PRMT8: variants seen among roughly 807,000 people sequenced by gnomAD.
PRMT8 encodes protein arginine N-methyltransferase 8.
In PRMT8, 7 loss-of-function variants were observed where a neutral mutation model predicts 47.1. That is an observed-to-expected ratio of 0.15 (90% CI 0.08 to 0.28). PRMT8 has a LOEUF of 0.28. Ranked by LOEUF, PRMT8 falls within the 10% of genes least tolerant of loss-of-function variation. The pLI is 1.00. For missense variants in PRMT8, 237 were observed against 505.4 expected (o/e 0.47, Z 5.09); for synonymous variants, 188 against 186.5 (o/e 1.01, Z -0.07).
intron 1 of PRMT8, among the ~76,000 whole-genome samples, chr12:3,412,846 C>T (rs1020672247): frequency 3.3e-5 from 5 of 152,134 alleles, no homozygotes; most frequent in East Asian, 3.9e-4. Context: ...AACTCCTGAC[C>T]TCATGATCCA....
chr12:3,541,926 G>A (rs372293759), intron 2 of PRMT8, among the ~76,000 whole-genome samples: 2 of 152,130 alleles, frequency 1.3e-5, no homozygotes, highest in Non-Finnish European at 2.9e-5. Context: ...CATCCTTGAC[G>A]GTTTTTTTGT....
intron 1 of PRMT8, among the ~76,000 whole-genome samples, chr12:3,465,615 A>G (rs1865090529): frequency 6.6e-6 from 1 of 152,166 alleles, no homozygotes; most frequent in Non-Finnish European, 1.5e-5. Flanking sequence ...TTTATTTTGA[A>G]GGCATAGGGA....
At chr12:3,484,061 G>A (rs1468329460) in intron 1 of PRMT8, among the ~76,000 whole-genome samples, 7 of 152,168 alleles carry the variant, frequency 4.6e-5, no homozygotes, top group Non-Finnish European at 1.0e-4. Context: ...CCCAGTGCTG[G>A]AATGAACACA....
At chr12:3,446,149 A>C (rs1864853256) in intron 1 of PRMT8, among the ~76,000 whole-genome samples, 1 of 152,114 alleles carries the variant, frequency 6.6e-6, no homozygotes, top group Admixed American at 6.5e-5. Context: ...CATGAATGAC[A>C]CTAGACCACC....
intron 7 of PRMT8, among the ~76,000 whole-genome samples, chr12:3,579,992 G>C (rs1867025331): frequency 6.6e-6 from 1 of 152,058 alleles, no homozygotes; most frequent in Non-Finnish European, 1.5e-5. Context: ...GGGCTCTGGG[G>C]AGTCAGGGTA....
chr12:3,469,983 C>G (rs776537154), intron 1 of PRMT8, among the ~76,000 whole-genome samples: 15 of 152,184 alleles, frequency 9.9e-5, no homozygotes, highest in Non-Finnish European at 7.3e-5. Context: ...GGTCCCTGCA[C>G]TCTGGGGGGA....
rs774257513 is a variant in PRMT8 at position 3,569,489 on chromosome 12, C to T, written c.637C>T (p.Leu213Phe). The change falls in exon 6 of 10, where the codon CTT (leucine) becomes TTT (phenylalanine). Residue 213 changes from leucine to phenylalanine, a missense_variant. By Grantham distance (22) the Leu-to-Phe change is conservative (BLOSUM62 0). Coordinates refer to ENST00000382622, the MANE Select transcript of PRMT8 (RefSeq NM_019854.5). This position sits in a 1 kb window ranked among gnomAD's most constrained non-coding sequence, Gnocchi z 8.2. ...AATTCATCAACAGAAACCTGGAGGG[C>T]TTATGTTTCCAGACCGGGCAGCTTT... Reference protein sequence around the residue: ...ARDKWLKPGGLMFPDRAALYV... With the variant: ...ARDKWLKPGGFMFPDRAALYV... The T allele has an allele frequency of 3.7e-6, 6 of 1,614,078 alleles. No homozygotes were observed. The highest frequency in any genetic ancestry group is 5.1e-6 in the Non-Finnish European group (6 of 1,179,920).
In PRMT8 at chr12:3,535,098, G is replaced by T. The variant is rs1866095600; in HGVS notation, c.76-5508G>T. Among the ~76,000 whole-genome samples the T allele has an allele frequency of 6.6e-6, 1 of 152,188 alleles. No individual in the cohort carries two copies. Among genetic ancestry groups the T allele is most frequent in the African/African-American group, 2.4e-5 (1 of 41,446 alleles). On this transcript the variant is annotated intron_variant, in intron 1 of 9. Coordinates refer to ENST00000382622, the MANE Select transcript of PRMT8 (RefSeq NM_019854.5). This position sits in a 1 kb window ranked among gnomAD's most constrained non-coding sequence, Gnocchi z 4.7. Reference sequence around the variant, plus strand: ...TGCATTTTCAAGGGATGTGGGTTAGGTCAAACATGCTCCCCCAAATCCCCA... The same window carrying T: ...TGCATTTTCAAGGGATGTGGGTTAGTTCAAACATGCTCCCCCAAATCCCCA...
chr12:3,587,061 C>A (rs1867193819), intron 8 of PRMT8, among the ~76,000 whole-genome samples: 1 of 152,090 alleles, frequency 6.6e-6, no homozygotes, highest in Admixed American at 6.5e-5. Context: ...CCGAGTAACC[C>A]TTTCTGTTTT....
intron 1 of PRMT8, among the ~76,000 whole-genome samples, chr12:3,433,740 T>G (rs1425022700): frequency 6.6e-6 from 1 of 152,212 alleles, no homozygotes; most frequent in Non-Finnish European, 1.5e-5. Context: ...TTCTCCCGAC[T>G]AGCTGGGGCT....
chr12:3,401,147 CAAAAAAA>C (rs34492092), intron 1 of PRMT8, among the ~76,000 whole-genome samples: 1 of 46,046 alleles, frequency 2.2e-5, no homozygotes, highest in Non-Finnish European at 3.9e-5. Flanking sequence ...AACTCCATCT[CAAAAAAA>C]AAAAAAAAAA....
intron 1 of PRMT8, among the ~76,000 whole-genome samples, chr12:3,408,035 G>C (rs1419910845): frequency 1.3e-5 from 2 of 151,748 alleles, no homozygotes; most frequent in African/African-American, 2.4e-5. Context: ...ATCATGAATT[G>C]TTTCCTTGAT....
At chr12:3,412,256 A>G (rs556759157) in intron 1 of PRMT8, among the ~76,000 whole-genome samples, 127 of 152,358 alleles carry the variant, frequency 8.3e-4, no homozygotes, top group Middle Eastern at 3.4e-3. Context: ...AAAATATGGT[A>G]TAAAAAGTTA....
At chr12:3,395,898 G>A (rs533459376) in intron 1 of PRMT8, among the ~76,000 whole-genome samples, 7 of 152,298 alleles carry the variant, frequency 4.6e-5, no homozygotes, top group Non-Finnish European at 7.4e-5. Context: ...GGGTGCTCCT[G>A]TATTGAGTGC....
chr12:3,496,214 ATTTTTTTTTTT>A (rs1555085718), intron 1 of PRMT8, among the ~76,000 whole-genome samples: 1 of 27,756 alleles, frequency 3.6e-5, no homozygotes, highest in Non-Finnish European at 7.9e-5. Context: ...ATATATATAT[ATTTTTTTTTTT>A]TTTTTTTTTT....
chr12:3,553,130 C>T (rs1012341356), intron 3 of PRMT8: 6 of 197,460 alleles, frequency 3.0e-5, no homozygotes, highest in Non-Finnish European at 6.3e-5. Flanking sequence ...CGAGAGCTAA[C>T]GTGGGGGGTG....
At position 3,461,931 on chromosome 12, in the gene PRMT8, G is replaced by A. The variant is rs142304482; in HGVS notation, c.49-78675G>A. 4.5e-3 allele frequency among the ~76,000 whole-genome samples: 687 copies of A among 152,166 alleles called. 17 individuals carry two copies. The highest frequency in any genetic ancestry group is 0.016 in the African/African-American group (660 of 41,408). On this transcript the variant is annotated intron_variant, in intron 1 of 9. Coordinates refer to the PRMT8 transcript ENST00000452611. Reference sequence around the variant, plus strand: ...TTTTATTTTAGGTTCAGGATTACATGTGTAGGTTATACAGATAAACTCATG... The same window carrying A: ...TTTTATTTTAGGTTCAGGATTACATATGTAGGTTATACAGATAAACTCATG...
intron 7 of PRMT8, among the ~76,000 whole-genome samples, chr12:3,579,489 G>T (rs1867011824): frequency 6.6e-6 from 1 of 152,104 alleles, no homozygotes; most frequent in Admixed American, 6.5e-5. Context: ...CACTCCTTAT[G>T]AAAACTCCCG....
Position 3,508,505 on chromosome 12 carries a change from C to T in PRMT8, c.75+16805C>T, listed in dbSNP as rs898637795. ...AGAAACATGTTAAGGTGAGGCCGGGCGTGGGAATAGTTGAGGGAGAGTCTT... is the reference window on the plus strand; with the variant it reads ...AGAAACATGTTAAGGTGAGGCCGGGTGTGGGAATAGTTGAGGGAGAGTCTT... On this transcript the variant is annotated intron_variant, in intron 1 of 9. Coordinates refer to ENST00000382622, the MANE Select transcript of PRMT8 (RefSeq NM_019854.5). This position sits in a 1 kb window ranked among gnomAD's most constrained non-coding sequence, Gnocchi z 4.9. Among the ~76,000 whole-genome samples the T allele has an allele frequency of 6.6e-6, 1 of 151,986 alleles. No homozygotes were observed. Among genetic ancestry groups the T allele is most frequent in the Non-Finnish European group, 1.5e-5 (1 of 67,986 alleles).
Sources: allele counts gnomAD v4.1 joint callset (sites outside exome capture counted in the v4.1 genomes callset), GRCh38; gene constraint gnomAD v4.1.1; non-coding constraint Gnocchi (gnomAD v3.1); transcripts MANE v1.5; gene names NCBI Gene and HGNC (gene_info 2026-07-23, HGNC 2026-07-21).